The following EFCAB11 variants were observed in gnomAD, a reference collection of about 807,000 sequenced individuals.
The protein encoded by EFCAB11 is EF-hand calcium binding domain 11.
A neutral mutation model predicts 23.0 loss-of-function variants in EFCAB11; 14 were observed. The observed-to-expected ratio is 0.61, with a 90% CI of 0.40 to 0.95. EFCAB11 has a LOEUF of 0.95. Ranked by LOEUF, EFCAB11 falls within the 40% of genes least tolerant of loss-of-function variation. The probability of loss-of-function intolerance (pLI) is 0.00; values close to 1 mark genes in which losing one functional copy is unlikely to be tolerated. For missense variants in EFCAB11, 198 were observed against 195.8 expected, an observed-to-expected ratio of 1.01 and a Z score of -0.07; for synonymous variants, 65 against 66.6, an observed-to-expected ratio of 0.98 and a Z score of 0.11.
intron 5 of EFCAB11, among the ~76,000 whole-genome samples, chr14:89,887,642 A>T (rs1888833683): frequency 6.6e-6 from 1 of 152,232 alleles, no homozygotes; most frequent in African/African-American, 2.4e-5. Context: ...GTATTTACTG[A>T]AAGAAACCAG....
rs532659120 is a variant in EFCAB11, at chr14:89,891,682, CACAA to C, written c.410+39855_410+39858del. On this transcript the variant is annotated intron_variant, in intron 5 of 5. Coordinates refer to ENST00000316738, the MANE Select transcript of EFCAB11 (RefSeq NM_145231.4). The stretch of plus-strand genomic sequence containing the variant: ...AGGAAAATTACAGCTCCATTTTAGA[CACAA>C]ACACACACACACACACGCACGCGCA... Among the ~76,000 whole-genome samples, 320 of 152,234 alleles carry C rather than the reference CACAA, an allele frequency of 2.1e-3. 1 individual carries two copies. Among genetic ancestry groups the C allele is most frequent in the African/African-American group, 7.3e-3 (302 of 41,546 alleles).
chr14:89,926,384 C>G (rs1890194977), intron 5 of EFCAB11, among the ~76,000 whole-genome samples: 1 of 152,068 alleles, frequency 6.6e-6, no homozygotes, highest in Non-Finnish European at 1.5e-5. Context: ...ACTGTTTCCC[C>G]TAATAAAACA....
chr14:89,858,156 C>T (rs1036362192), intron 5 of EFCAB11, among the ~76,000 whole-genome samples: 2 of 152,200 alleles, frequency 1.3e-5, no homozygotes, highest in Non-Finnish European at 2.9e-5. Context: ...CTCTCCCTCT[C>T]CTGGCTCTCT....
At chr14:89,917,816 A>C (rs1408441693) in intron 5 of EFCAB11, among the ~76,000 whole-genome samples, 1 of 152,252 alleles carries the variant, frequency 6.6e-6, no homozygotes, top group Non-Finnish European at 1.5e-5. Context: ...AAGGACTCTC[A>C]GCTTTAACTG....
At chr14:89,954,035 CAG>C (rs1259120728) in intron 1 of EFCAB11, 34 bp from the exon 2 acceptor site, 1 of 1,559,660 alleles carries the variant, frequency 6.4e-7, no homozygotes, top group Non-Finnish European at 8.8e-7. Context: ...GTTAATGAGA[CAG>C]AAATGGTTTA....
intron 5 of EFCAB11, among the ~76,000 whole-genome samples, chr14:89,803,746 G>A (rs1341957866): frequency 1.3e-5 from 2 of 152,150 alleles, no homozygotes; most frequent in African/African-American, 4.8e-5. Context: ...GAGAAGACCC[G>A]CCAATTGAAG....
At chr14:89,845,719 G>A (rs918273914) in intron 5 of EFCAB11, among the ~76,000 whole-genome samples, 2 of 152,160 alleles carry the variant, frequency 1.3e-5, no homozygotes, top group African/African-American at 4.8e-5. Context: ...AGTACTGTAT[G>A]GGGTGATGGA....
intron 5 of EFCAB11, among the ~76,000 whole-genome samples, chr14:89,907,409 G>A (rs1404504903): frequency 6.6e-6 from 1 of 152,148 alleles, no homozygotes; most frequent in Non-Finnish European, 1.5e-5. Flanking sequence ...ATTGCAGTAT[G>A]AGGTTTTTGA....
chr14:89,869,166 G>A (rs1210331564), intron 5 of EFCAB11, among the ~76,000 whole-genome samples: 2 of 152,172 alleles, frequency 1.3e-5, no homozygotes, highest in Non-Finnish European at 2.9e-5. Flanking sequence ...TCACAACACT[G>A]CAGTCCAGCC....
chr14:89,833,285 G>T (rs1331265813), intron 5 of EFCAB11: 1 of 152,086 alleles, frequency 6.6e-6, no homozygotes, highest in Non-Finnish European at 1.5e-5. Flanking sequence ...GGAATCTCGT[G>T]ACTGTGCAAA....
chr14:89,886,690 T>C (rs1245861868), intron 5 of EFCAB11, among the ~76,000 whole-genome samples: 4 of 152,136 alleles, frequency 2.6e-5, no homozygotes, highest in Non-Finnish European at 4.4e-5. Flanking sequence ...TGTTACACCA[T>C]ATTATTCTCC....
At chr14:89,954,284 G>T in intron 1 of EFCAB11, 1 of 1,458,778 alleles carries the variant, frequency 6.9e-7, no homozygotes, top group Non-Finnish European at 9.3e-7. Context: ...CCAAAATTCA[G>T]TCCTGGAGTT....
chr14:89,863,030 T>A (rs185801295), intron 5 of EFCAB11, among the ~76,000 whole-genome samples: 2 of 152,288 alleles, frequency 1.3e-5, no homozygotes, highest in East Asian at 3.9e-4. Flanking sequence ...TGCCAAGCAC[T>A]ATCCAAAGCT....
At chr14:89,931,466 T>G in intron 5 of EFCAB11, 75 bp downstream of exon 5, 1 of 1,317,884 alleles carries the variant, frequency 7.6e-7, no homozygotes, top group South Asian at 1.3e-5. Flanking sequence ...AATAAGTTCT[T>G]TCCATAAAGT....
intron 5 of EFCAB11, among the ~76,000 whole-genome samples, chr14:89,823,330 C>G (rs1315349623): frequency 6.6e-6 from 1 of 152,176 alleles, no homozygotes; most frequent in African/African-American, 2.4e-5. Context: ...TATTAACAAC[C>G]TGAGTGAGCT....
chr14:89,870,533 T>C (rs1888232856), intron 5 of EFCAB11, among the ~76,000 whole-genome samples: 1 of 152,190 alleles, frequency 6.6e-6, no homozygotes, highest in Non-Finnish European at 1.5e-5. Flanking sequence ...ATGTAATAGT[T>C]AATACATACA....
chr14:89,798,084 T>C (rs1325447509), intron 5 of EFCAB11, among the ~76,000 whole-genome samples: 3 of 152,232 alleles, frequency 2.0e-5, no homozygotes, highest in African/African-American at 7.2e-5. Context: ...GTATCAACCA[T>C]GACATAGGAC....
chr14:89,917,852 G>A (rs1379908382), intron 5 of EFCAB11, among the ~76,000 whole-genome samples: 3 of 152,236 alleles, frequency 2.0e-5, no homozygotes, highest in Non-Finnish European at 4.4e-5. Context: ...TGCCGTTGAT[G>A]TGGAGAGTCA....
At chr14:89,815,993 C>A (rs1171680903) in intron 5 of EFCAB11, among the ~76,000 whole-genome samples, 1 of 152,164 alleles carries the variant, frequency 6.6e-6, no homozygotes, top group African/African-American at 2.4e-5. Flanking sequence ...GACATTTTCA[C>A]AATATTAATC....
Sources: gnomAD v4.1 joint callset for allele counts (sites outside exome capture counted in the v4.1 genomes callset) on GRCh38, gnomAD v4.1.1 for gene constraint, MANE v1.5 for transcripts, NCBI Gene and HGNC (gene_info 2026-07-23, HGNC 2026-07-21) for gene names.